Variants in DPP10 observed in about 807,000 individuals in gnomAD.
The protein encoded by DPP10 is dipeptidyl peptidase like 10.
Under a neutral mutation model 120.9 loss-of-function variants are expected in DPP10, and 33 were observed. The ratio of observed to expected loss-of-function variants is 0.27; its 90% CI spans 0.21 to 0.37. The LOEUF is 0.37. Among genes scored for constraint, DPP10 ranks in the 10% least tolerant of loss-of-function variants. The pLI is 1.00. For synonymous variants in DPP10, 337 were observed against 326.1 expected, an observed-to-expected ratio of 1.03 and a Z score of -0.36; for missense variants, 816 against 942.8, an observed-to-expected ratio of 0.87 and a Z score of 1.76.
intron 1 of DPP10, among the ~76,000 whole-genome samples, chr2:115,052,597 G>A (rs1157103464): frequency 1.3e-5 from 2 of 152,112 alleles, no homozygotes; most frequent in Non-Finnish European, 2.9e-5. Flanking sequence ...TTAGTCATTA[G>A]AGAAATGCAA....
At chr2:115,657,387 G>A (rs2088468795) in intron 5 of DPP10, among the ~76,000 whole-genome samples, 1 of 151,680 alleles carries the variant, frequency 6.6e-6, no homozygotes, top group African/African-American at 2.4e-5. Context: ...ATGCGACTCT[G>A]CAATCGACAA....
intron 1 of DPP10, among the ~76,000 whole-genome samples, chr2:115,256,310 C>T (rs1294441198): frequency 6.6e-6 from 1 of 152,174 alleles, no homozygotes; most frequent in Non-Finnish European, 1.5e-5. Context: ...GTAACCACTC[C>T]CATGATTCAA....
intron 1 of DPP10, among the ~76,000 whole-genome samples, chr2:114,810,201 A>G (rs1426215111): frequency 6.6e-6 from 1 of 152,204 alleles, no homozygotes. Context: ...CTCTTGGTTT[A>G]CTTTATTATC....
chr2:114,751,451 G>A (rs1032706994), intron 1 of DPP10, among the ~76,000 whole-genome samples: 13 of 152,162 alleles, frequency 8.5e-5, no homozygotes, highest in Admixed American at 5.2e-4. Context: ...GCTGAGAAAT[G>A]ACCTTCTGTG....
chr2:114,803,435 T>C (rs973159296), intron 1 of DPP10, among the ~76,000 whole-genome samples: 11 of 152,062 alleles, frequency 7.2e-5, no homozygotes, highest in Admixed American at 6.5e-4. Context: ...TTGGACCAGA[T>C]TGGAGAGCTC....
intron 3 of DPP10, among the ~76,000 whole-genome samples, chr2:115,477,834 T>C (rs1291146291): frequency 6.6e-6 from 1 of 152,142 alleles, no homozygotes; most frequent in African/African-American, 2.4e-5. Context: ...TATAAAGACA[T>C]ACCTGAGGCT....
chr2:115,327,406 A>G (rs115286359), intron 2 of DPP10, among the ~76,000 whole-genome samples: 2,541 of 152,158 alleles, frequency 0.017, 67 homozygotes, highest in African/African-American at 0.058. Context: ...AAAGCTCACT[A>G]GAGAATTATT....
At chr2:115,605,793 A>G (rs955213119) in intron 5 of DPP10, among the ~76,000 whole-genome samples, 6 of 152,094 alleles carry the variant, frequency 3.9e-5, no homozygotes, top group Non-Finnish European at 5.9e-5. Context: ...AGCACCTAGT[A>G]TGTGAGAGGA....
rs75773455 is a variant in DPP10, at chr2:115,765,321, G to C, written c.1113+2711G>C. Among the ~76,000 whole-genome samples, 753 of 152,226 alleles carry C rather than the reference G, an allele frequency of 4.9e-3. 4 individuals are homozygous for C. Among genetic ancestry groups the C allele is most frequent in the African/African-American group, 0.017 (718 of 41,548 alleles). On this transcript the variant is annotated intron_variant, in intron 12 of 25. Coordinates refer to ENST00000410059, the MANE Select transcript of DPP10 (RefSeq NM_020868.6). ...AGTACAAAGGGAGAACGGTAAGGGA[G>C]GAGTTGCTATGTGGGGGTAAATCTG...
At chr2:114,601,530 A>T (rs1033069043) in intron 1 of DPP10, among the ~76,000 whole-genome samples, 1 of 151,928 alleles carries the variant, frequency 6.6e-6, no homozygotes, top group Non-Finnish European at 1.5e-5. Context: ...TTTCACAGAT[A>T]CAACACTCTG....
At chr2:114,799,791 G>A (rs765569386) in intron 1 of DPP10, among the ~76,000 whole-genome samples, 6 of 152,208 alleles carry the variant, frequency 3.9e-5, no homozygotes, top group Non-Finnish European at 5.9e-5. Flanking sequence ...AAATTGGAAA[G>A]CGAAGTAGGA....
intron 1 of DPP10, among the ~76,000 whole-genome samples, chr2:114,535,716 GT>G (rs202085273): frequency 6.6e-6 from 1 of 150,814 alleles, no homozygotes; most frequent in Non-Finnish European, 1.5e-5. Context: ...CTGTCAGACA[GT>G]TTTTTTTTCT....
chr2:115,343,396 C>T (rs2063546095), intron 2 of DPP10, among the ~76,000 whole-genome samples: 1 of 151,956 alleles, frequency 6.6e-6, no homozygotes, highest in South Asian at 2.1e-4. Context: ...TACATAAGTC[C>T]CTCAAGTCTA....
intron 1 of DPP10, among the ~76,000 whole-genome samples, chr2:114,926,096 A>T (rs1695599964): frequency 6.6e-6 from 1 of 152,210 alleles, no homozygotes; most frequent in Non-Finnish European, 1.5e-5. Flanking sequence ...GGTCCAATTC[A>T]GCCTCTGGAG....
At chr2:114,974,149 A>G (rs1342715750) in intron 1 of DPP10, among the ~76,000 whole-genome samples, 1 of 152,194 alleles carries the variant, frequency 6.6e-6, no homozygotes, top group Non-Finnish European at 1.5e-5. Flanking sequence ...TAAAGCTTAC[A>G]GCAGTGAACA....
chr2:115,052,217 A>G (rs1705544550), intron 1 of DPP10, among the ~76,000 whole-genome samples: 1 of 152,182 alleles, frequency 6.6e-6, no homozygotes, highest in Admixed American at 6.5e-5. Flanking sequence ...ACCTAAAACT[A>G]CAAAACTCTG....
intron 3 of DPP10, among the ~76,000 whole-genome samples, chr2:115,371,463 C>G (rs1369703309): frequency 1.3e-5 from 2 of 152,120 alleles, no homozygotes; most frequent in African/African-American, 4.8e-5. Context: ...AGATCATTGA[C>G]TTTGAAACAA....
In DPP10 at chr2:114,508,383, T is replaced by C. The variant is rs148764038; in HGVS notation, c.60+65545T>C. ...TTTTTTACATTCGATTTCTTTCACT[T>C]AGCATACTTTTTGTGATTGACTCAT... On this transcript the variant is annotated intron_variant, in intron 1 of 25. Transcript: ENST00000410059. Among the ~76,000 whole-genome samples, 28 of 152,346 alleles carry C rather than the reference T, an allele frequency of 1.8e-4. No individual in the cohort carries two copies. The East Asian group carries it at 4.8e-3, about 26-fold the overall frequency.
chr2:115,661,817 A>G (rs1034148851), intron 5 of DPP10, among the ~76,000 whole-genome samples: 9 of 152,240 alleles, frequency 5.9e-5, no homozygotes, highest in African/African-American at 1.4e-4. Flanking sequence ...AATTACCACA[A>G]TTAAGCTTAT....
Sources: allele counts gnomAD v4.1 joint callset (sites outside exome capture counted in the v4.1 genomes callset), GRCh38; gene constraint gnomAD v4.1.1; transcripts MANE v1.5; gene names NCBI Gene and HGNC (gene_info 2026-07-23, HGNC 2026-07-21).